The following ANO4 variants were observed in gnomAD, a reference collection of about 807,000 sequenced individuals.
The protein encoded by ANO4 is anoctamin-4.
Under a neutral mutation model 141.9 loss-of-function variants are expected in ANO4, and 69 were observed. The observed-to-expected ratio is 0.49, with a 90% CI of 0.40 to 0.59. The LOEUF is 0.59. Among genes scored for constraint, ANO4 ranks in the 20% least tolerant of loss-of-function variants. The pLI, the probability that ANO4 is intolerant of heterozygous loss-of-function variation, is 0.00. For missense variants in ANO4, 894 were observed against 1,162.2 expected, an observed-to-expected ratio of 0.77 and a Z score of 3.36; for synonymous variants, 350 against 394.3, an observed-to-expected ratio of 0.89 and a Z score of 1.33.
chr12:101,110,283 C>T lies in ANO4; in HGVS notation c.2150-121C>T. The stretch of plus-strand genomic sequence containing the variant: ...GGCCATCTTTCTGGAAGAGATATCC[C>T]CTGTGCGTCTGTATTGGGAAAAATG... On this transcript the variant is annotated intron_variant, in intron 22 of 27. Coordinates refer to ENST00000392977, the MANE Select transcript of ANO4 (RefSeq NM_001286615.2). 4.9e-6 allele frequency: 5 copies of T among 1,021,944 alleles called. No homozygotes were observed. The South Asian group carries it at 1.1e-4, about 23-fold the overall frequency. The allele number at this position is 1,021,944 out of a possible 1,614,324, so 63.3% of individuals were successfully genotyped here.
At chr12:100,886,200 C>T (rs2039818172) in intron 1 of ANO4, among the ~76,000 whole-genome samples, 1 of 152,146 alleles carries the variant, frequency 6.6e-6, no homozygotes, top group Non-Finnish European at 1.5e-5. Flanking sequence ...TAAACCTTTG[C>T]TCTGATTATG....
At chr12:100,853,832 C>G (rs1275053067) in intron 1 of ANO4, among the ~76,000 whole-genome samples, 1 of 152,102 alleles carries the variant, frequency 6.6e-6, no homozygotes, top group Non-Finnish European at 1.5e-5. Flanking sequence ...CTACAATCTT[C>G]CCATTCTTAC....
At chr12:101,075,745 A>AT (rs397794537) in intron 14 of ANO4, among the ~76,000 whole-genome samples, 1 of 146,620 alleles carries the variant, frequency 6.8e-6, no homozygotes, top group Non-Finnish European at 1.5e-5. Context: ...ATATATATAT[A>AT]ACAAAAATAT....
chr12:100,948,418 G>A (rs1046386824), intron 5 of ANO4, among the ~76,000 whole-genome samples: 10 of 152,046 alleles, frequency 6.6e-5, no homozygotes, highest in South Asian at 4.2e-4. Flanking sequence ...ATAATTTATC[G>A]TAAATGATGA....
intron 13 of ANO4, among the ~76,000 whole-genome samples, chr12:101,047,711 G>A (rs766680580): frequency 1.5e-4 from 23 of 152,188 alleles, no homozygotes; most frequent in Admixed American, 2.6e-4. Flanking sequence ...TTTCTTCTGT[G>A]GTGTTTGCAA....
At chr12:101,077,230 T>A (rs1057373479) in intron 14 of ANO4, among the ~76,000 whole-genome samples, 2 of 152,202 alleles carry the variant, frequency 1.3e-5, no homozygotes, top group Non-Finnish European at 2.9e-5. Flanking sequence ...TCACAGCTCA[T>A]TGGGGAGGAA....
chr12:100,752,640 A>G (rs1381594651), intron 3 of ANO4, among the ~76,000 whole-genome samples: 1 of 152,100 alleles, frequency 6.6e-6, no homozygotes, highest in Non-Finnish European at 1.5e-5. Context: ...TTGTACAAGG[A>G]AATTATTTCT....
chr12:100,733,799 T>A lies in ANO4; in HGVS notation c.48T>A (p.Tyr16Ter), dbSNP rs754101079. 1 of 702,212 alleles carries A rather than the reference T, an allele frequency of 1.4e-6. No homozygotes were observed. The highest frequency in any genetic ancestry group is 1.7e-5 in the African/African-American group (1 of 57,208). The allele number at this position is 702,212 out of a possible 1,614,324, so 43.5% of individuals were successfully genotyped here. Residue 16 changes from tyrosine (Y) to a stop codon, truncating the protein, a stop_gained, in exon 2 of 30, where the codon TAT becomes TAA. Transcript: ENST00000644049. LOFTEE classifies it high-confidence loss of function. ...ACAAAGATGTGAGCAGCGGAAGTTA[T>A]AACCTTTCCTCTGCAACGACGGGCA...
intron 9 of ANO4, among the ~76,000 whole-genome samples, chr12:101,024,799 T>G (rs886177439): frequency 2.6e-5 from 4 of 152,198 alleles, no homozygotes. Flanking sequence ...CTATAAAGCC[T>G]TGTGATATTT....
intron 8 of ANO4, among the ~76,000 whole-genome samples, chr12:100,997,993 A>G (rs2045465884): frequency 6.6e-6 from 1 of 152,206 alleles, no homozygotes; most frequent in Non-Finnish European, 1.5e-5. Context: ...AAAATACTGC[A>G]GTATACCTGT....
In ANO4 at chr12:100,942,467, C is replaced by G. The variant is rs1157158949; in HGVS notation, c.388C>G (p.Pro130Ala). The G allele has an allele frequency of 5.0e-6, 8 of 1,613,794 alleles. No homozygotes were observed. The highest frequency in any genetic ancestry group is 5.9e-6 in the Non-Finnish European group (7 of 1,179,988). The change falls in exon 5 of 28, where the codon CCC becomes GCC. Residue 130 changes from proline (P) to alanine (A), a missense_variant. Pro to Ala is a conservative substitution (Grantham distance 27, BLOSUM62 -1). Coordinates refer to ENST00000392977, the MANE Select transcript of ANO4 (RefSeq NM_001286615.2). ...DYILVYRKSNPQTEKREVFER... is the reference protein window; with the variant it reads ...DYILVYRKSNAQTEKREVFER... ...CATCCTTGTGTACAGAAAATCCAAC[C>G]CCCAGACTGAAAAGAGAGAAGTATT...
At chr12:101,039,330 C>T (rs1210898751) in intron 10 of ANO4, among the ~76,000 whole-genome samples, 1 of 152,082 alleles carries the variant, frequency 6.6e-6, no homozygotes, top group Non-Finnish European at 1.5e-5. Context: ...TATGGCAAAA[C>T]CCCATCTCTA....
At chr12:100,937,683 T>C (rs1283426030) in intron 3 of ANO4, among the ~76,000 whole-genome samples, 2 of 152,298 alleles carry the variant, frequency 1.3e-5, no homozygotes, top group East Asian at 1.9e-4. Context: ...TCAAACAATA[T>C]GTTTATTATC....
intron 1 of ANO4, among the ~76,000 whole-genome samples, chr12:100,824,860 C>T (rs1453068705): frequency 6.6e-6 from 1 of 151,958 alleles, no homozygotes; most frequent in African/African-American, 2.4e-5. Context: ...GACAAAGGAG[C>T]TATATTAAAA....
At chr12:100,866,067 C>T (rs1054085867) in intron 1 of ANO4, among the ~76,000 whole-genome samples, 2 of 152,168 alleles carry the variant, frequency 1.3e-5, no homozygotes, top group Admixed American at 1.3e-4. Context: ...CCATTCCAGT[C>T]AGCCTCTAGA....
intron 1 of ANO4, among the ~76,000 whole-genome samples, chr12:100,731,806 T>G (rs577684897): frequency 2.9e-4 from 44 of 152,322 alleles, no homozygotes; most frequent in African/African-American, 1.0e-3. Context: ...GGTTCCTCCA[T>G]GTCTTTTCAT....
intron 24 of ANO4, 144 bp downstream of exon 24, chr12:101,111,854 T>C: frequency 1.7e-6 from 1 of 588,268 alleles, no homozygotes; most frequent in East Asian, 3.5e-5. Context: ...GAATTATGAT[T>C]TATTATAAAT....
chr12:100,950,302 A>G (rs1207623898), intron 5 of ANO4, among the ~76,000 whole-genome samples: 1 of 152,194 alleles, frequency 6.6e-6, no homozygotes, highest in African/African-American at 2.4e-5. Context: ...ATCTTCTTAT[A>G]TGTCACACAC....
intron 2 of ANO4, among the ~76,000 whole-genome samples, chr12:100,907,627 A>G (rs143450391): frequency 6.6e-6 from 1 of 152,290 alleles, no homozygotes; most frequent in East Asian, 1.9e-4. Context: ...AATCTGTTCT[A>G]CTCAGCAGAT....
Sources: gnomAD v4.1 joint callset for allele counts (sites outside exome capture counted in the v4.1 genomes callset) on GRCh38, gnomAD v4.1.1 for gene constraint, MANE v1.5 for transcripts, NCBI Gene and HGNC (gene_info 2026-07-23, HGNC 2026-07-21) for gene names.